Variants in ARNT observed in about 807,000 individuals in gnomAD.
ARNT encodes the protein class E basic helix-loop-helix protein 2.
In ARNT, 30 loss-of-function variants were observed where a neutral mutation model predicts 105.0. The ratio of observed to expected loss-of-function variants is 0.29; its 90% CI spans 0.21 to 0.39. The LOEUF is 0.39. Among genes scored for constraint, ARNT ranks in the 10% least tolerant of loss-of-function variants. The pLI is 1.00. For synonymous variants in ARNT, 304 were observed against 344.0 expected, an observed-to-expected ratio of 0.88 and a Z score of 1.29; for missense variants, 748 against 978.7, an observed-to-expected ratio of 0.76 and a Z score of 3.15.
At chr1:150,836,630 C>T in intron 6 of ARNT, 137 bp from the exon 7 acceptor site, 1 of 803,692 alleles carries the variant, frequency 1.2e-6, no homozygotes, top group South Asian at 1.9e-5. Context: ...GATCCACAGC[C>T]ACAGGTTTCC....
In ARNT at chr1:150,823,119, A is replaced by C. The variant is rs938209790; in HGVS notation, c.1394+75T>G. 2.2e-6 allele frequency: 3 copies of C among 1,361,802 alleles called. No homozygotes were observed. In the African/African-American group the frequency reaches 4.4e-5, roughly 20 times the overall value. 84.4% of individuals were successfully genotyped at this position (1,361,802 alleles called of 1,614,324 possible). A position where few individuals can be genotyped will look rare whatever the true frequency, so the allele number is the denominator to read the frequency against. ...TGTTGCTTGATTGTTTACCCCCCACATAGGGCATCAGAAGTGTTTTCTGTT... is the reference window on the plus strand; with the variant it reads ...TGTTGCTTGATTGTTTACCCCCCACCTAGGGCATCAGAAGTGTTTTCTGTT... On this transcript the variant is annotated intron_variant, in intron 14 of 21. Coordinates refer to ENST00000358595, the MANE Select transcript of ARNT (RefSeq NM_001668.4).
At chr1:150,834,262 T>C (rs971059839) in intron 8 of ARNT, among the ~76,000 whole-genome samples, 1 of 152,136 alleles carries the variant, frequency 6.6e-6, no homozygotes, top group Non-Finnish European at 1.5e-5. Context: ...TTTATATCTG[T>C]TTTTCCATCT....
At chr1:150,870,907 C>T (rs981854727) in intron 1 of ARNT, among the ~76,000 whole-genome samples, 1 of 151,854 alleles carries the variant, frequency 6.6e-6, no homozygotes, top group Non-Finnish European at 1.5e-5. Flanking sequence ...TGGCTCACAC[C>T]TGTAACCCCG....
At chr1:150,837,400 C>T (rs1027319248) in intron 6 of ARNT, among the ~76,000 whole-genome samples, 3 of 152,198 alleles carry the variant, frequency 2.0e-5, no homozygotes, top group Non-Finnish European at 4.4e-5. Context: ...GAACAGCATA[C>T]ATATATTTTT....
Position 150,831,922 on chromosome 1 carries a change from T to G in ARNT, c.870-19A>C. 48 of 1,481,718 alleles carry G rather than the reference T, an allele frequency of 3.2e-5. No individual in the cohort carries two copies. The highest frequency in any genetic ancestry group is 4.4e-5 in the Non-Finnish European group (48 of 1,101,018). 91.8% of individuals were successfully genotyped at this position (1,481,718 alleles called of 1,614,324 possible). A position where few individuals can be genotyped will look rare whatever the true frequency, so the allele number is the denominator to read the frequency against. On this transcript the variant is annotated intron_variant, in intron 9 of 21. Coordinates refer to ENST00000358595, the MANE Select transcript of ARNT (RefSeq NM_001668.4). ...TCCATTCCTAGAAGAGTTACAGGAG[T>G]TTGAAAAAAAAAAAAAAAATCTACC... is the stretch of plus-strand genomic sequence containing the variant.
At chr1:150,818,752 GAAAC>G (rs10305734) in intron 14 of ARNT, among the ~76,000 whole-genome samples, 1 of 151,254 alleles carries the variant, frequency 6.6e-6, no homozygotes, top group Non-Finnish European at 1.5e-5. Context: ...CTGTCTCAAT[GAAAC>G]AAACAAACAA....
chr1:150,832,275 T>C (rs1659482623), intron 9 of ARNT, 59 bp downstream of exon 9: 3 of 1,567,702 alleles, frequency 1.9e-6, no homozygotes, highest in Non-Finnish European at 2.6e-6. Context: ...CAGGTAAAAA[T>C]GTGATGATCT....
intron 2 of ARNT, among the ~76,000 whole-genome samples, chr1:150,857,248 A>T (rs1664793330): frequency 6.6e-6 from 1 of 152,200 alleles, no homozygotes; most frequent in Non-Finnish European, 1.5e-5. Context: ...TTCCATTTTA[A>T]ATATACTATG....
chr1:150,830,461 A>AGTTT (rs1362312514), intron 10 of ARNT: 1 of 152,786 alleles, frequency 6.5e-6, no homozygotes, highest in East Asian at 1.9e-4. Flanking sequence ...AAAACTTACC[A>AGTTT]TATATGCCAG....
intron 13 of ARNT, among the ~76,000 whole-genome samples, chr1:150,824,424 C>G (rs933682318): frequency 6.6e-6 from 1 of 151,152 alleles, no homozygotes; most frequent in African/African-American, 2.4e-5. Flanking sequence ...ATTTTTTCCC[C>G]GAAACCTGAG....
At chr1:150,815,170 A>G (rs961127269) in intron 19 of ARNT, among the ~76,000 whole-genome samples, 3 of 152,104 alleles carry the variant, frequency 2.0e-5, no homozygotes, top group Admixed American at 6.5e-5. Context: ...TATTACTTGT[A>G]TAACATAAAT....
rs1657484717 is a variant in ARNT at position 150,823,232 on chromosome 1, A to C, written c.1356T>G (p.Asp452Glu). The change falls in exon 14 of 22, where the codon GAT becomes GAG. Residue 452 changes from aspartate to glutamate, a missense_variant. Coordinates refer to ENST00000358595, the MANE Select transcript of ARNT (RefSeq NM_001668.4). ...TGGTACAGATGATGTACTCAATTTC[A>C]TCTGAGTAAGGGTTCTGGAAAGTAA... is the stretch of plus-strand genomic sequence containing the variant. ...SSFTFQNPYS[D>E]EIEYIICTNT... is the part of the protein sequence containing the mutation. 6.2e-7 allele frequency: 1 copy of C among 1,613,482 alleles called. No individual in the cohort carries two copies. The highest frequency in any genetic ancestry group is 1.3e-5 in the African/African-American group (1 of 74,902).
chr1:150,864,820 A>T (rs1666279459), intron 1 of ARNT, among the ~76,000 whole-genome samples: 1 of 148,298 alleles, frequency 6.7e-6, no homozygotes, highest in South Asian at 2.1e-4. Flanking sequence ...ACATATAAAT[A>T]ATATGTGGTG....
chr1:150,869,610 A>C (rs1215366912), intron 1 of ARNT, among the ~76,000 whole-genome samples: 1 of 150,676 alleles, frequency 6.6e-6, no homozygotes, highest in Non-Finnish European at 1.5e-5. Context: ...CAGTGGCATG[A>C]TCATGGCTCA....
At chr1:150,820,476 G>A (rs1417793950) in intron 14 of ARNT, among the ~76,000 whole-genome samples, 1 of 152,108 alleles carries the variant, frequency 6.6e-6, no homozygotes, top group African/African-American at 2.4e-5. Context: ...CTGCAACATG[G>A]AAAAATCCCA....
At chr1:150,821,986 C>T (rs1349767602) in intron 14 of ARNT, among the ~76,000 whole-genome samples, 3 of 151,652 alleles carry the variant, frequency 2.0e-5, no homozygotes, top group Non-Finnish European at 4.4e-5. Flanking sequence ...AGCCACTGCA[C>T]CTGTCCAGCA....
Position 150,846,260 on chromosome 1 carries a change from T to TG in ARNT, c.227+2_227+3insC. The TG allele has an allele frequency of 6.2e-7, 1 of 1,610,330 alleles. No individual in the cohort carries two copies. Among genetic ancestry groups the TG allele is most frequent in the Non-Finnish European group, 8.5e-7 (1 of 1,176,656 alleles). ...TACAATATATTACCTACTACAATAT[T>TG]ACCTGGCAAACCGCTCCTTATCGTT... On this transcript the variant is annotated splice_region_variant and intron_variant, in intron 4 of 21. Transcript: ENST00000358595.
At position 150,829,910 on chromosome 1, in the gene ARNT, T is replaced by C; in HGVS notation, c.1026A>G (p.Arg342=). The C allele has an allele frequency of 6.2e-7, 1 of 1,614,216 alleles. No individual in the cohort carries two copies. The highest frequency in any genetic ancestry group is 8.5e-7 in the Non-Finnish European group (1 of 1,180,024). ...GTGGAAAATTCATACTTGCCTGCAA[T>C]CTGCCAATGGCCACTAGGCAAAACT... ...GSKFCLVAIG[R]LQVTSSPNCT... Residue 342 remains arginine (R), a synonymous_variant, in exon 11 of 22, where the codon AGA becomes AGG. Transcript: ENST00000358595.
At position 150,812,091 on chromosome 1, in the gene ARNT, C is replaced by CT; in HGVS notation, c.2299_2300insA (p.Gly767GlufsTer10). The CT allele has an allele frequency of 6.4e-7, 1 of 1,571,722 alleles. No homozygotes were observed. Among genetic ancestry groups the CT allele is most frequent in the Non-Finnish European group, 8.6e-7 (1 of 1,156,300 alleles). ...ATTGTTGTAGCTGTTGCTCTGATCT[C>CT]CCAGCATGGACAGCATCTCCTGATA... On this transcript the variant is annotated frameshift_variant, in exon 22 of 22. Transcript: ENST00000358595. LOFTEE classifies it high-confidence loss of function.
Sources: allele counts gnomAD v4.1 joint callset (sites outside exome capture counted in the v4.1 genomes callset), GRCh38; gene constraint gnomAD v4.1.1; transcripts MANE v1.5; gene names NCBI Gene and HGNC (gene_info 2026-07-23, HGNC 2026-07-21).